The following SLC35F1 variants were observed in gnomAD, a reference collection of about 807,000 sequenced individuals.
SLC35F1 encodes solute carrier family 35 member F1, also known as chromosome 6 open reading frame 169.
A neutral mutation model predicts 48.7 loss-of-function variants in SLC35F1; 14 were observed. The observed-to-expected ratio is 0.29, with a 90% CI of 0.19 to 0.45. SLC35F1 has a LOEUF of 0.45. SLC35F1 is among the 20% of genes least tolerant of loss of function. The pLI is 1.00. For synonymous variants in SLC35F1, 190 were observed against 202.2 expected (o/e 0.94, Z 0.51); for missense variants, 404 against 500.0 (o/e 0.81, Z 1.83).
At position 118,266,977 on chromosome 6, in the gene SLC35F1, C is replaced by T; in HGVS notation, c.478-18C>T. 6.2e-7 allele frequency: 1 copy of T among 1,612,896 alleles called. No individual in the cohort carries two copies. Among genetic ancestry groups the T allele is most frequent in the Non-Finnish European group, 8.5e-7 (1 of 1,179,092 alleles). ...TCCTGAATCTCCTGTTGTTGTTTAC[C>T]TTCATCCCTCCCAATAGCTCCTGGA... On this transcript the variant is annotated intron_variant, in intron 3 of 7. Transcript: ENST00000360388.
chr6:118,272,334 A>G (rs1304877735), intron 4 of SLC35F1, among the ~76,000 whole-genome samples: 2 of 152,152 alleles, frequency 1.3e-5, no homozygotes, highest in East Asian at 3.9e-4. Context: ...GGAGAGAACT[A>G]TCGGTTTGGG....
rs567806846 is a variant in SLC35F1 at position 118,151,689 on chromosome 6, T to A, written c.174-2756T>A. The stretch of plus-strand genomic sequence containing the variant: ...CACCACCACACCTGGGTAATTTTTT[T>A]AATTTTTTGTAGAAATGAAGACTCA... On this transcript the variant is annotated intron_variant, in intron 1 of 7. Transcript: ENST00000360388. Among the ~76,000 whole-genome samples, 360 of 152,156 alleles carry A rather than the reference T, an allele frequency of 2.4e-3. 2 individuals carry two copies. The highest frequency in any genetic ancestry group is 7.8e-3 in the African/African-American group (325 of 41,528).
Position 118,154,538 on chromosome 6 carries a change from C to A in SLC35F1, c.267C>A (p.His89Gln). 1 of 1,614,044 alleles carries A rather than the reference C, an allele frequency of 6.2e-7. No homozygotes were observed. The highest frequency in any genetic ancestry group is 8.5e-7 in the Non-Finnish European group (1 of 1,179,960). ...LTSKYLSEDF[H>Q]ANTPVFQSFL... is the part of the protein sequence containing the mutation. ...GCAAGTATCTGTCAGAAGATTTCCA[C>A]GCCAACACACCAGTCTTCCAGAGTT... The change falls in exon 2 of 8, where the codon CAC (histidine) becomes CAA (glutamine). Residue 89 changes from histidine (H) to glutamine (Q), a missense_variant. Transcript: ENST00000360388.
At chr6:118,018,756 G>A (rs1777355469) in intron 1 of SLC35F1, among the ~76,000 whole-genome samples, 2 of 152,180 alleles carry the variant, frequency 1.3e-5, no homozygotes, top group Admixed American at 1.3e-4. Flanking sequence ...CTGGGGATGT[G>A]TGGCTAATGG....
intron 2 of SLC35F1, among the ~76,000 whole-genome samples, chr6:118,155,509 A>G (rs1372073951): frequency 6.6e-6 from 1 of 152,174 alleles, no homozygotes; most frequent in Non-Finnish European, 1.5e-5. Flanking sequence ...CCTGTCTGCC[A>G]TGTGAGGATG....
At chr6:118,227,205 G>A (rs1237889846) in intron 2 of SLC35F1, among the ~76,000 whole-genome samples, 1 of 152,178 alleles carries the variant, frequency 6.6e-6, no homozygotes, top group Non-Finnish European at 1.5e-5. Flanking sequence ...AGCCCTGAGG[G>A]AGAGGCCCAA....
intron 7 of SLC35F1, among the ~76,000 whole-genome samples, chr6:118,299,824 G>A (rs1392006057): frequency 6.6e-6 from 1 of 152,140 alleles, no homozygotes; most frequent in Non-Finnish European, 1.5e-5. Flanking sequence ...CAGACCCCAC[G>A]AATTCTATAC....
intron 1 of SLC35F1, among the ~76,000 whole-genome samples, chr6:117,960,357 A>G (rs908893200): frequency 1.3e-5 from 2 of 151,742 alleles, no homozygotes; most frequent in African/African-American, 4.8e-5. Flanking sequence ...AGAAATATGC[A>G]CATCTCACAT....
intron 1 of SLC35F1, among the ~76,000 whole-genome samples, chr6:118,074,844 A>G (rs1248098105): frequency 6.6e-6 from 1 of 152,118 alleles, no homozygotes; most frequent in Non-Finnish European, 1.5e-5. Context: ...GGGTCTCACT[A>G]TATTGCCCAG....
chr6:118,041,647 T>C (rs763600465), intron 1 of SLC35F1, among the ~76,000 whole-genome samples: 12 of 152,146 alleles, frequency 7.9e-5, no homozygotes, highest in Non-Finnish European at 1.6e-4. Context: ...TGAAGGTGCA[T>C]TAAAGAGGGA....
intron 1 of SLC35F1, among the ~76,000 whole-genome samples, chr6:118,072,850 A>G (rs915760845): frequency 6.6e-6 from 1 of 152,040 alleles, no homozygotes; most frequent in African/African-American, 2.4e-5. Context: ...TCCATTCGTG[A>G]CTGTTCAGTT....
chr6:118,032,025 A>G (rs563025152), intron 1 of SLC35F1, among the ~76,000 whole-genome samples: 1 of 152,290 alleles, frequency 6.6e-6, no homozygotes, highest in South Asian at 2.1e-4. Context: ...GTGTAAATAT[A>G]AACAAAGCAT....
At chr6:118,138,939 AT>A (rs1279230733) in intron 1 of SLC35F1, among the ~76,000 whole-genome samples, 2 of 150,602 alleles carry the variant, frequency 1.3e-5, no homozygotes, top group Non-Finnish European at 3.0e-5. Context: ...CATAGAGGAT[AT>A]TTTTTAGCCC....
intron 2 of SLC35F1, among the ~76,000 whole-genome samples, chr6:118,166,102 A>G (rs983250749): frequency 2.0e-5 from 3 of 152,166 alleles, no homozygotes; most frequent in African/African-American, 4.8e-5. Flanking sequence ...AGAATGTTCT[A>G]TTTCAGAGTT....
At chr6:118,179,601 C>G (rs902542506) in intron 2 of SLC35F1, among the ~76,000 whole-genome samples, 5 of 152,252 alleles carry the variant, frequency 3.3e-5, no homozygotes, top group African/African-American at 1.2e-4. Flanking sequence ...CATCTGGGCA[C>G]CTCTTAGCTT....
intron 1 of SLC35F1, among the ~76,000 whole-genome samples, chr6:117,962,702 C>T (rs1325964847): frequency 6.6e-6 from 1 of 152,178 alleles, no homozygotes; most frequent in Non-Finnish European, 1.5e-5. Context: ...CCATCAGCTG[C>T]AAGACTTAGG....
At chr6:117,990,180 T>C (rs930315342) in intron 1 of SLC35F1, among the ~76,000 whole-genome samples, 7 of 152,198 alleles carry the variant, frequency 4.6e-5, no homozygotes, top group Non-Finnish European at 1.0e-4. Flanking sequence ...CAGGTGAAGA[T>C]CCTTCATTCC....
At chr6:117,922,435 C>T (rs900163467) in intron 1 of SLC35F1, among the ~76,000 whole-genome samples, 6 of 152,166 alleles carry the variant, frequency 3.9e-5, no homozygotes, top group South Asian at 2.1e-4. Context: ...TTAAGGACAG[C>T]GTAGTCCTAA....
intron 4 of SLC35F1, among the ~76,000 whole-genome samples, chr6:118,268,964 G>A (rs1321808326): frequency 6.6e-6 from 1 of 152,124 alleles, no homozygotes; most frequent in Non-Finnish European, 1.5e-5. Context: ...TGTAAACACA[G>A]GCTAAGCAGA....
Sources: allele counts gnomAD v4.1 joint callset (sites outside exome capture counted in the v4.1 genomes callset), GRCh38; gene constraint gnomAD v4.1.1; transcripts MANE v1.5; gene names NCBI Gene and HGNC (gene_info 2026-07-23, HGNC 2026-07-21).